The following SF1 variants were observed in gnomAD, a reference collection of about 807,000 sequenced individuals.
SF1 encodes the protein branch point-binding protein.
Under a neutral mutation model 62.5 loss-of-function variants are expected in SF1, and 7 were observed. The ratio of observed to expected loss-of-function variants is 0.11; its 90% CI spans 0.06 to 0.21. The LOEUF is 0.21. Among genes scored for constraint, SF1 ranks in the 10% least tolerant of loss-of-function variants. The probability of loss-of-function intolerance (pLI) is 1.00; values close to 1 mark genes in which losing one functional copy is unlikely to be tolerated. For synonymous variants in SF1, 394 were observed against 323.6 expected, an observed-to-expected ratio of 1.22 and a Z score of -2.33; for missense variants, 578 against 884.0, an observed-to-expected ratio of 0.65 and a Z score of 4.39.
intron 12 of SF1, 47 bp from the exon 13 acceptor site, chr11:64,766,202 C>T (rs758902526): frequency 2.3e-5 from 34 of 1,457,296 alleles, no homozygotes; most frequent in East Asian, 1.8e-4. Flanking sequence ...GGGCACACCG[C>T]GGCTGTCTGC....
Position 64,765,758 on chromosome 11 carries a change from G to GC in SF1, c.*59dup. 1 of 1,483,072 alleles carries GC rather than the reference G, an allele frequency of 6.7e-7. No homozygotes were observed. The allele number at this position is 1,483,072 out of a possible 1,614,324, so 91.9% of individuals were successfully genotyped here. On this transcript the variant is annotated 3_prime_UTR_variant, in exon 13 of 13. Transcript: ENST00000377390. ...GTCTGGCTCCATATGGTGAGGTTCG[G>GC]CGTGTTTAAACGAGACCAATTCTCT...
At chr11:64,773,620 G>T in intron 2 of SF1, 115 bp from the exon 3 acceptor site, 1 of 1,209,970 alleles carries the variant, frequency 8.3e-7, no homozygotes, top group Non-Finnish European at 1.1e-6. Context: ...TGAAAGGGAC[G>T]ACTGATCAGT....
chr11:64,765,506 G>A lies in SF1; in HGVS notation c.*312C>T, dbSNP rs1290101748. The stretch of plus-strand genomic sequence containing the variant: ...TCTCATGGCTCGGGCCATCGCCGCC[G>A]CGGGGAGGGATCCTGGCGGCCCGGT... On this transcript the variant is annotated 3_prime_UTR_variant, in exon 13 of 13. Transcript: ENST00000377390. 3.7e-6 allele frequency: 6 copies of A among 1,609,706 alleles called. No homozygotes were observed. The highest frequency in any genetic ancestry group is 2.2e-5 in the East Asian group (1 of 44,528).
intron 3 of SF1, chr11:64,771,485 C>T: frequency 1.0e-6 from 1 of 985,374 alleles, no homozygotes; most frequent in Non-Finnish European, 1.2e-6. Context: ...TTGAGAGAAC[C>T]TTGCCTAGTT....
chr11:64,772,387 T>C lies in SF1; in HGVS notation c.236+1043A>G, dbSNP rs1182812293. The C allele has an allele frequency of 4.1e-6, 4 of 983,892 alleles. No homozygotes were observed. The South Asian group carries it at 1.9e-4, about 46-fold the overall frequency. 60.9% of individuals were successfully genotyped at this position (983,892 alleles called of 1,614,324 possible). Reference sequence around the variant, plus strand: ...CACAACCCTACAACCAAAATCTATCTATAGGTAAAATATAGCAAATGTAGT... The same window carrying C: ...CACAACCCTACAACCAAAATCTATCCATAGGTAAAATATAGCAAATGTAGT... On this transcript the variant is annotated intron_variant, in intron 3 of 12. Coordinates refer to ENST00000377390, the MANE Select transcript of SF1 (RefSeq NM_004630.4).
chr11:64,766,838 T>C (rs2058708543), intron 12 of SF1, 62 bp downstream of exon 12: 3 of 1,319,778 alleles, frequency 2.3e-6, no homozygotes, highest in South Asian at 3.5e-5. Flanking sequence ...TGAGGCTCTA[T>C]GGTTCCTGTC....
Position 64,765,915 on chromosome 11 carries a change from T to G in SF1, c.1823A>C (p.Asp608Ala). The G allele has an allele frequency of 6.4e-7, 1 of 1,561,840 alleles. No individual in the cohort carries two copies. Among genetic ancestry groups the G allele is most frequent in the Non-Finnish European group, 8.7e-7 (1 of 1,155,432 alleles). The change falls in exon 13 of 13, where the codon GAC (aspartate) becomes GCC (alanine). Residue 608 changes from aspartate to alanine, a missense_variant. By Grantham distance (126) the Asp-to-Ala change is moderately radical (BLOSUM62 -2). Transcript: ENST00000377390. ...CATCATGGTGACAAAGTTAGAAGGGTCCATGGGAGGCGGAGGAGGAGGGGG... is the reference window on the plus strand; with the variant it reads ...CATCATGGTGACAAAGTTAGAAGGGGCCATGGGAGGCGGAGGAGGAGGGGG... ...APPPPPPPPMDPSNFVTMMGM... is the reference protein window; with the variant it reads ...APPPPPPPPMAPSNFVTMMGM...
intron 3 of SF1, chr11:64,771,680 G>A: frequency 1.0e-6 from 1 of 985,384 alleles, no homozygotes; most frequent in Non-Finnish European, 1.2e-6. Flanking sequence ...GTGAACAAAA[G>A]CAAACATACC....
intron 9 of SF1, 94 bp from the exon 10 acceptor site, chr11:64,767,938 C>T (rs1937622883): frequency 6.6e-7 from 1 of 1,515,238 alleles, no homozygotes; most frequent in Non-Finnish European, 8.9e-7. Flanking sequence ...AACACAAGAA[C>T]AAGGTCTTCC....
intron 2 of SF1, 73 bp downstream of exon 2, chr11:64,776,425 A>C: frequency 6.6e-7 from 1 of 1,511,246 alleles, no homozygotes; most frequent in Non-Finnish European, 9.1e-7. Context: ...TCAAACTTTC[A>C]AAAAATGCAG....
rs1381291196 is a variant in SF1 at position 64,778,416 on chromosome 11, G to A, written c.-24C>T. On this transcript the variant is annotated 5_prime_UTR_variant, in exon 1 of 13. Transcript: ENST00000377390. ...ATGGCGCCCCCGGGGACAGGCACCG[G>A]CACCTGCTTTTCCTCTGCGGCGGCT... The A allele has an allele frequency of 7.3e-6, 9 of 1,225,840 alleles. No homozygotes were observed. The East Asian group carries it at 2.6e-4, about 35-fold the overall frequency. The allele number at this position is 1,225,840 out of a possible 1,614,324, so 75.9% of individuals were successfully genotyped here. A position where few individuals can be genotyped will look rare whatever the true frequency, so the allele number is the denominator to read the frequency against.
At chr11:64,776,233 T>C (rs1264316563) in intron 2 of SF1, 3 of 389,656 alleles carry the variant, frequency 7.7e-6, no homozygotes, top group African/African-American at 6.5e-5. Flanking sequence ...AAAGGGTGGC[T>C]GCTGGACTGG....
At chr11:64,777,431 A>C in intron 1 of SF1, 1 of 899,868 alleles carries the variant, frequency 1.1e-6, no homozygotes, top group Non-Finnish European at 1.3e-6. Flanking sequence ...AAAAAAAACA[A>C]ACTAAAATTC....
chr11:64,765,125 C>T lies in SF1; in HGVS notation c.*693G>A. The T allele has an allele frequency of 4.1e-6, 1 of 245,676 alleles. No individual in the cohort carries two copies. The highest frequency in any genetic ancestry group is 5.5e-5 in the Admixed American group (1 of 18,068). 15.2% of individuals were successfully genotyped at this position (245,676 alleles called of 1,614,324 possible). The stretch of plus-strand genomic sequence containing the variant: ...CAAACATCTTTGGGGGTGGCTATGG[C>T]ACCTTGAAAAACCCACAACCAGCTT... On this transcript the variant is annotated 3_prime_UTR_variant, in exon 13 of 13. Coordinates refer to ENST00000377390, the MANE Select transcript of SF1 (RefSeq NM_004630.4).
rs1160387538 is a variant in SF1 at position 64,770,093 on chromosome 11, A to G, written c.390-40T>C. 1.9e-6 allele frequency: 3 copies of G among 1,586,332 alleles called. No individual in the cohort carries two copies. The Admixed American group carries it at 5.0e-5, about 27-fold the overall frequency. ...CCTGTGTCACCGCACATTTCTGGAG[A>G]ATGACACAGCCAGCGGCTTTTCTAA... On this transcript the variant is annotated intron_variant, in intron 4 of 12. Transcript: ENST00000377390.
rs1235612760 is a variant in SF1 at position 64,767,856 on chromosome 11, C to T, written c.1069-12G>A. The T allele has an allele frequency of 1.9e-6, 3 of 1,604,830 alleles. No individual in the cohort carries two copies. The highest frequency in any genetic ancestry group is 2.7e-5 in the African/African-American group (2 of 74,318). On this transcript the variant is annotated splice_polypyrimidine_tract_variant and intron_variant, in intron 9 of 12. Coordinates refer to ENST00000377390, the MANE Select transcript of SF1 (RefSeq NM_004630.4). ...GTAGACATGAGAGACTACGTGAGAGCATTTCCTGCCAACGTCCCTGCCTGC... is the reference window on the plus strand; with the variant it reads ...GTAGACATGAGAGACTACGTGAGAGTATTTCCTGCCAACGTCCCTGCCTGC...
intron 10 of SF1, 75 bp downstream of exon 10, chr11:64,767,496 C>G (rs2058763065): frequency 7.0e-7 from 1 of 1,438,696 alleles, no homozygotes; most frequent in African/African-American, 1.4e-5. Flanking sequence ...AGAGCTGCTT[C>G]TAGCCAACAG....
chr11:64,765,883 C>T lies in SF1; in HGVS notation c.1855G>A (p.Gly619Arg), dbSNP rs1379188502. 11 of 1,564,368 alleles carry T rather than the reference C, an allele frequency of 7.0e-6. No individual in the cohort carries two copies. Among genetic ancestry groups the T allele is most frequent in the Non-Finnish European group, 9.5e-6 (11 of 1,154,904 alleles). Reference protein sequence around the residue: ...PSNFVTMMGMGVAGMPPFGMP... With the variant: ...PSNFVTMMGMRVAGMPPFGMP... Reference sequence around the variant, plus strand: ...CCGAAGGGCGGCATGCCCGCCACCCCCATGCCCATCATGGTGACAAAGTTA... The same window carrying T: ...CCGAAGGGCGGCATGCCCGCCACCCTCATGCCCATCATGGTGACAAAGTTA... The change falls in exon 13 of 13, where the codon GGG becomes AGG. Residue 619 changes from glycine to arginine, a missense_variant. Gly to Arg is a moderately radical substitution (Grantham distance 125). Transcript: ENST00000377390.
intron 12 of SF1, 42 bp from the exon 13 acceptor site, chr11:64,766,197 C>A: frequency 6.5e-7 from 1 of 1,543,196 alleles, no homozygotes; most frequent in Admixed American, 1.7e-5. Context: ...CGCGGGGGCA[C>A]ACCGCGGCTG....
Sources: allele counts gnomAD v4.1 joint callset, GRCh38; gene constraint gnomAD v4.1.1; transcripts MANE v1.5; gene names NCBI Gene and HGNC (gene_info 2026-07-23, HGNC 2026-07-21).